Variants in SERAC1 observed in about 807,000 individuals in gnomAD.
SERAC1 encodes protein SERAC1.
A neutral mutation model predicts 85.7 loss-of-function variants in SERAC1; 36 were observed. That is an observed-to-expected ratio of 0.42 (90% CI 0.32 to 0.55). SERAC1 has a LOEUF of 0.55. Ranked by LOEUF, SERAC1 falls within the 20% of genes least tolerant of loss-of-function variation. The pLI is 0.11. For missense variants in SERAC1, 629 were observed against 796.2 expected (o/e 0.79, Z 2.53); for synonymous variants, 242 against 265.3 (o/e 0.91, Z 0.85).
At chr6:158,127,179 C>G (rs1159796321) in intron 10 of SERAC1, among the ~76,000 whole-genome samples, 5 of 152,066 alleles carry the variant, frequency 3.3e-5, no homozygotes, top group Non-Finnish European at 7.4e-5. Flanking sequence ...CTTGCCTCTA[C>G]CAAAATAACA....
chr6:158,148,992 A>AC, intron 4 of SERAC1, 38 bp from the exon 5 acceptor site: 1 of 1,273,648 alleles, frequency 7.9e-7, no homozygotes, highest in Non-Finnish European at 1.1e-6. Context: ...CCAAGAATGT[A>AC]TTTTTTTTTT....
intron 1 of SERAC1, chr6:158,161,206 C>A (rs1785480296): frequency 1.3e-5 from 2 of 152,054 alleles, no homozygotes; most frequent in Non-Finnish European, 2.9e-5. Context: ...ACCAGTGAGA[C>A]TTCATCTCTC....
chr6:158,113,442 TG>T lies in SERAC1; in HGVS notation c.1828+6del, dbSNP rs1490575495. The T allele has an allele frequency of 5.6e-5, 90 of 1,607,740 alleles. No homozygotes were observed. The highest frequency in any genetic ancestry group is 7.5e-5 in the Non-Finnish European group (88 of 1,175,858). On this transcript the variant is annotated splice_donor_region_variant and intron_variant, in intron 16 of 16. Coordinates refer to ENST00000647468, the MANE Select transcript of SERAC1 (RefSeq NM_032861.4). ...TAACAGCCAACAAGTTTCAAAAGAG[TG>T]AATACCTGCTGATTCCACAGGTACC...
At position 158,120,331 on chromosome 6, in the gene SERAC1, C is replaced by A; in HGVS notation, c.1166+94G>T. 7.9e-7 allele frequency: 1 copy of A among 1,260,748 alleles called. No individual in the cohort carries two copies. The highest frequency in any genetic ancestry group is 1.1e-6 in the Non-Finnish European group (1 of 929,354). The allele number at this position is 1,260,748 out of a possible 1,614,324, so 78.1% of individuals were successfully genotyped here. A position where few individuals can be genotyped will look rare whatever the true frequency, so the allele number is the denominator to read the frequency against. Reference sequence around the variant, plus strand: ...GATATTTGACTTATAAGTTATTTAACTTATCTGAATTATGCAGAAATAAGT... The same window carrying A: ...GATATTTGACTTATAAGTTATTTAAATTATCTGAATTATGCAGAAATAAGT... On this transcript the variant is annotated intron_variant, in intron 11 of 16. Transcript: ENST00000647468. This position sits in a 1 kb window ranked among gnomAD's most constrained non-coding sequence, Gnocchi z 4.4.
At chr6:158,144,601 T>G (rs1463365528) in intron 6 of SERAC1, among the ~76,000 whole-genome samples, 181 bp from the exon 7 acceptor site, 1 of 152,236 alleles carries the variant, frequency 6.6e-6, no homozygotes, top group Non-Finnish European at 1.5e-5. Context: ...TTTCCAGGAC[T>G]GATCTCACAA....
chr6:158,154,141 CAG>C (rs1298405552), intron 3 of SERAC1, among the ~76,000 whole-genome samples: 10 of 112,818 alleles, frequency 8.9e-5, no homozygotes, highest in African/African-American at 3.5e-4. Flanking sequence ...GCCTGGGTGA[CAG>C]AGGAAAACTC....
intron 7 of SERAC1, among the ~76,000 whole-genome samples, 161 bp from the exon 8 acceptor site, chr6:158,143,345 CTCTATA>C (rs1453051371): frequency 0.019 from 491 of 26,402 alleles, 1 homozygote; most frequent in African/African-American, 0.053. Context: ...CTCTCTCTCT[CTCTATA>C]TATATATATA....
chr6:158,114,931 C>T lies in SERAC1; in HGVS notation c.1542G>A (p.Lys514=). 6.2e-7 allele frequency: 1 copy of T among 1,613,622 alleles called. No homozygotes were observed. The highest frequency in any genetic ancestry group is 8.5e-7 in the Non-Finnish European group (1 of 1,179,844). ...VKKMLLEAST[K]PEMSTVINNT... ...TGTTGATAACAGTACTCATTTCTGG[C>T]TTCGTAGAGGCTTCCAACAGCATCT... Residue 514 remains lysine (K), a synonymous_variant, in exon 15 of 17, where the codon AAG becomes AAA. Transcript: ENST00000647468.
intron 6 of SERAC1, chr6:158,145,385 AT>A (rs1406012398): frequency 6.6e-6 from 1 of 152,186 alleles, no homozygotes; most frequent in African/African-American, 2.4e-5. Context: ...ATTTTGAAAA[AT>A]ATTTCTATTC....
At chr6:158,160,584 T>A (rs1785465601) in intron 1 of SERAC1, among the ~76,000 whole-genome samples, 1 of 152,244 alleles carries the variant, frequency 6.6e-6, no homozygotes, top group Non-Finnish European at 1.5e-5. Context: ...TCTTTTGGTA[T>A]CATTTATAAT....
intron 8 of SERAC1, among the ~76,000 whole-genome samples, chr6:158,140,910 C>G (rs1296460951): frequency 6.6e-6 from 1 of 152,066 alleles, no homozygotes; most frequent in Admixed American, 6.6e-5. Context: ...TGCTTTTTTC[C>G]TATCTTGTAC....
chr6:158,143,256 C>T lies in SERAC1; in HGVS notation c.610-72G>A, dbSNP rs1218211605. On this transcript the variant is annotated intron_variant, in intron 7 of 16. Coordinates refer to ENST00000647468, the MANE Select transcript of SERAC1 (RefSeq NM_032861.4). ...GTACAACAAAAAATATCCAAAGACT[C>T]AAAGCCAATATTTGCCATATATATC... 6.4e-6 allele frequency: 10 copies of T among 1,560,988 alleles called. No individual in the cohort carries two copies. The African/African-American group carries it at 8.2e-5, about 13-fold the overall frequency.
In SERAC1 at chr6:158,144,284, T is replaced by C; in HGVS notation, c.609+15A>G. On this transcript the variant is annotated intron_variant, in intron 7 of 16. Coordinates refer to ENST00000647468, the MANE Select transcript of SERAC1 (RefSeq NM_032861.4). ...TTTTCACTCTCTAAATTACTATTAT[T>C]ATTGTTTTACTTACTTCTTTTAAAG... 1.3e-6 allele frequency: 2 copies of C among 1,592,824 alleles called. No individual in the cohort carries two copies. Among genetic ancestry groups the C allele is most frequent in the Non-Finnish European group, 1.7e-6 (2 of 1,164,394 alleles).
intron 15 of SERAC1, among the ~76,000 whole-genome samples, chr6:158,114,306 TAGG>T (rs1316499649): frequency 6.6e-6 from 1 of 151,782 alleles, no homozygotes; most frequent in Non-Finnish European, 1.5e-5. Context: ...AAAGAGAAAA[TAGG>T]AGCAAAAAGA....
chr6:158,156,859 A>G (rs921424022), intron 2 of SERAC1, among the ~76,000 whole-genome samples: 2 of 116,770 alleles, frequency 1.7e-5, no homozygotes, highest in African/African-American at 3.4e-5. Context: ...ATATATAATA[A>G]ATATTAATAT....
intron 1 of SERAC1, chr6:158,162,091 A>T (rs1785500972): frequency 6.9e-6 from 1 of 145,248 alleles, no homozygotes; most frequent in Non-Finnish European, 1.6e-5. Context: ...CTTCCTTGGG[A>T]ACTGTACATA....
chr6:158,111,848 T>C (rs1784150804), intron 16 of SERAC1: 1 of 164,038 alleles, frequency 6.1e-6, no homozygotes, highest in South Asian at 1.8e-4. Context: ...GTTTCTATTA[T>C]AAACTTCCTT....
intron 10 of SERAC1, among the ~76,000 whole-genome samples, chr6:158,124,105 G>A (rs1359631805): frequency 2.0e-5 from 3 of 152,146 alleles, no homozygotes; most frequent in African/African-American, 7.2e-5. Flanking sequence ...GGAGATAAGA[G>A]GACTGAAGAC....
chr6:158,151,181 T>C (rs1785195688), intron 3 of SERAC1: 1 of 152,354 alleles, frequency 6.6e-6, no homozygotes, highest in African/African-American at 2.4e-5. Context: ...GTGATATGGA[T>C]GATCCTGACC....
Sources: allele counts gnomAD v4.1 joint callset (sites outside exome capture counted in the v4.1 genomes callset), GRCh38; gene constraint gnomAD v4.1.1; non-coding constraint Gnocchi (gnomAD v3.1); transcripts MANE v1.5; gene names NCBI Gene and HGNC (gene_info 2026-07-23, HGNC 2026-07-21).